Variants in CHD6 observed in about 807,000 individuals in gnomAD.
CHD6 encodes the protein chromodomain helicase DNA binding protein 6.
CHD6 carries 50 observed loss-of-function variants against 276.9 expected under a neutral mutation model. The observed-to-expected ratio is 0.18, with a 90% CI of 0.14 to 0.23. CHD6 has a LOEUF of 0.23. Ranked by LOEUF, CHD6 falls within the 10% of genes least tolerant of loss-of-function variation. CHD6 has a pLI of 1.00. For missense variants in CHD6, 2,564 were observed against 3,365.8 expected (o/e 0.76, Z 5.89); for synonymous variants, 1,173 against 1,229.3 (o/e 0.95, Z 0.96).
chr20:41,548,568 C>A (rs1223073908), intron 2 of CHD6, among the ~76,000 whole-genome samples: 1 of 152,198 alleles, frequency 6.6e-6, no homozygotes, highest in Non-Finnish European at 1.5e-5. Flanking sequence ...CAATACCATG[C>A]AGGACATAGG....
At chr20:41,614,659 T>C (rs2045919064) in intron 1 of CHD6, 1 of 152,222 alleles carries the variant, frequency 6.6e-6, no homozygotes, top group Non-Finnish European at 1.5e-5. Context: ...ATGATTTAGT[T>C]CAGAAACAGG....
intron 1 of CHD6, among the ~76,000 whole-genome samples, chr20:41,582,620 A>T (rs1258357551): frequency 6.6e-6 from 1 of 152,218 alleles, no homozygotes; most frequent in Non-Finnish European, 1.5e-5. Flanking sequence ...AAAAGCAGGG[A>T]AGAACCCATA....
At chr20:41,598,080 C>T (rs894321260) in intron 1 of CHD6, among the ~76,000 whole-genome samples, 1 of 152,148 alleles carries the variant, frequency 6.6e-6, no homozygotes, top group African/African-American at 2.4e-5. Context: ...TAAAACTATA[C>T]AATTGTTTCA....
At chr20:41,598,956 G>A (rs1040659670) in intron 1 of CHD6, among the ~76,000 whole-genome samples, 1 of 152,152 alleles carries the variant, frequency 6.6e-6, no homozygotes, top group Non-Finnish European at 1.5e-5. Flanking sequence ...TACTCCCTAC[G>A]GGTCCTCTGA....
chr20:41,617,914 C>A (rs1211278737), intron 1 of CHD6, among the ~76,000 whole-genome samples: 1 of 147,778 alleles, frequency 6.8e-6, no homozygotes, highest in Non-Finnish European at 1.5e-5. Context: ...CGCCCCAGCG[C>A]GGCTGGGCCC....
chr20:41,409,393 TG>T (rs1174050596), intron 36 of CHD6, among the ~76,000 whole-genome samples: 3 of 152,226 alleles, frequency 2.0e-5, no homozygotes. Flanking sequence ...AGCTTCCTTA[TG>T]TTCAAGCACA....
chr20:41,511,290 A>T (rs1280262163), intron 5 of CHD6, among the ~76,000 whole-genome samples: 1 of 152,240 alleles, frequency 6.6e-6, no homozygotes, highest in Non-Finnish European at 1.5e-5. Flanking sequence ...AGTCAGCAAC[A>T]GTGACTCCAT....
rs147178852 is a variant in CHD6 at position 41,430,805 on chromosome 20, C to A, written c.4069-4652G>T. ...CTACAGGGAAAACGCATCCCAAATT[C>A]CAGACAAAAGCAATAATATAAACTA... On this transcript the variant is annotated intron_variant, in intron 27 of 36. Coordinates refer to ENST00000373233, the MANE Select transcript of CHD6 (RefSeq NM_032221.5). Among the ~76,000 whole-genome samples the A allele has an allele frequency of 3.6e-3, 552 of 151,758 alleles. 4 individuals are homozygous for A. Among genetic ancestry groups the A allele is most frequent in the African/African-American group, 0.012 (509 of 41,366 alleles).
In CHD6 at chr20:41,423,367, C is replaced by CA; in HGVS notation, c.4555+124dup. 1.5e-5 allele frequency: 12 copies of CA among 825,892 alleles called. No individual in the cohort carries two copies. The South Asian group carries it at 2.0e-4, about 14-fold the overall frequency. 51.2% of individuals were successfully genotyped at this position (825,892 alleles called of 1,614,324 possible). A position where few individuals can be genotyped will look rare whatever the true frequency, so the allele number is the denominator to read the frequency against. On this transcript the variant is annotated intron_variant, in intron 30 of 36. Coordinates refer to ENST00000373233, the MANE Select transcript of CHD6 (RefSeq NM_032221.5). ...AGTTCATGAATTTCTAAAAGCCACT[C>CA]ATCTTTACCTAAATTCCTCATGTAG...
Position 41,419,574 on chromosome 20 carries a change from A to AAAG in CHD6, c.6127+933_6127+934insCTT, listed in dbSNP as rs1354561025. Among the ~76,000 whole-genome samples the AAAG allele has an allele frequency of 1.2e-4, 17 of 145,492 alleles. 2 individuals are homozygous for AAAG. Among genetic ancestry groups the AAAG allele is most frequent in the African/African-American group, 4.3e-4 (17 of 39,516 alleles). On this transcript the variant is annotated intron_variant, in intron 31 of 36. Transcript: ENST00000373233. ...TGTCTCAAAAAAAAAAAAAAAAAAA[A>AAAG]AAAAAAAAAAAAAAAAAGGCTAGAT...
chr20:41,460,195 G>C (rs2048500516), intron 17 of CHD6, among the ~76,000 whole-genome samples: 1 of 152,214 alleles, frequency 6.6e-6, no homozygotes, highest in Admixed American at 6.5e-5. Context: ...TTCAAGGGGT[G>C]ACTTAGGTTC....
At position 41,454,752 on chromosome 20, in the gene CHD6, G is replaced by T. The variant is rs1319250539; in HGVS notation, c.3010-16C>A. 3.8e-6 allele frequency: 6 copies of T among 1,575,898 alleles called. 1 individual carries two copies. In the South Asian group the frequency reaches 6.7e-5, roughly 18 times the overall value. ...CAAAGCTAGCCTGTGAAGAAGACAA[G>T]AATTAATAAACTGTGCTTGAACACA... On this transcript the variant is annotated splice_polypyrimidine_tract_variant and intron_variant, in intron 19 of 36. Transcript: ENST00000373233.
intron 1 of CHD6, among the ~76,000 whole-genome samples, chr20:41,598,960 C>T (rs902069730): frequency 2.0e-5 from 3 of 152,176 alleles, no homozygotes; most frequent in African/African-American, 7.2e-5. Flanking sequence ...CCCTACGGGT[C>T]CTCTGACCCT....
At chr20:41,546,248 T>C (rs77930358) in intron 2 of CHD6, among the ~76,000 whole-genome samples, 22,710 of 152,090 alleles carry the variant, frequency 0.15, 1,939 homozygotes, top group South Asian at 0.2. Context: ...TCTCACAGTA[T>C]ATCTGAAGAA....
Position 41,413,578 on chromosome 20 carries a change from G to T in CHD6, c.6940-63C>A, listed in dbSNP as rs79564956. The T allele has an allele frequency of 3.3e-4, 436 of 1,310,502 alleles. 1 individual carries two copies. The East Asian group carries it at 8.9e-3, about 27-fold the overall frequency. 81.2% of individuals were successfully genotyped at this position (1,310,502 alleles called of 1,614,324 possible). On this transcript the variant is annotated intron_variant, in intron 34 of 36. Transcript: ENST00000373233. ...CAATGAAAATTAGTTTCTAAAGAAAGAAAACATGTAAGGTGTTATTTGAAT... is the reference window on the plus strand; with the variant it reads ...CAATGAAAATTAGTTTCTAAAGAAATAAAACATGTAAGGTGTTATTTGAAT...
intron 3 of CHD6, among the ~76,000 whole-genome samples, chr20:41,522,660 A>G (rs973301552): frequency 2.6e-5 from 4 of 151,870 alleles, no homozygotes; most frequent in Admixed American, 2.0e-4. Flanking sequence ...GCGTGCGCGC[A>G]CACACACATA....
intron 16 of CHD6, among the ~76,000 whole-genome samples, chr20:41,478,837 A>T (rs1401035240): frequency 6.6e-6 from 1 of 152,214 alleles, no homozygotes; most frequent in Non-Finnish European, 1.5e-5. Context: ...AATATTCACT[A>T]GGGCTAGGGA....
intron 27 of CHD6, among the ~76,000 whole-genome samples, chr20:41,428,722 A>C (rs2047441119): frequency 6.6e-6 from 1 of 152,206 alleles, no homozygotes; most frequent in African/African-American, 2.4e-5. Flanking sequence ...ATATTCAAGG[A>C]TTTTATTATG....
At chr20:41,511,675 C>T (rs2044122316) in intron 5 of CHD6, among the ~76,000 whole-genome samples, 1 of 152,248 alleles carries the variant, frequency 6.6e-6, no homozygotes, top group Admixed American at 6.5e-5. Flanking sequence ...CTCTCACCAC[C>T]CCTCAAATTA....
Sources: allele counts gnomAD v4.1 joint callset (sites outside exome capture counted in the v4.1 genomes callset), GRCh38; gene constraint gnomAD v4.1.1; transcripts MANE v1.5; gene names NCBI Gene and HGNC (gene_info 2026-07-23, HGNC 2026-07-21).